Variants in CNOT3 observed in about 807,000 individuals in gnomAD.
The protein encoded by CNOT3 is CCR4-associated factor 3.
CNOT3 carries 2 observed loss-of-function variants against 89.4 expected under a neutral mutation model. The ratio of observed to expected loss-of-function variants is 0.02; its 90% CI spans 0.01 to 0.07. CNOT3 has a LOEUF of 0.07. CNOT3 is among the 10% of genes least tolerant of loss of function. The pLI, the probability that CNOT3 is intolerant of heterozygous loss-of-function variation, is 1.00. For missense variants in CNOT3, 664 were observed against 1,010.2 expected (o/e 0.66, Z 4.65); for synonymous variants, 486 against 402.0 (o/e 1.21, Z -2.50).
At chr19:54,153,221 G>C (rs111944138) in intron 16 of CNOT3, 9 of 763,806 alleles carry the variant, frequency 1.2e-5, no homozygotes, top group African/African-American at 3.4e-5. Context: ...AGCGAGGCTG[G>C]TCCACTGAGG....
intron 13 of CNOT3, among the ~76,000 whole-genome samples, chr19:54,150,486 C>A (rs2146705526): frequency 6.7e-6 from 1 of 149,670 alleles, no homozygotes; most frequent in East Asian, 2.0e-4. Flanking sequence ...CGGTGGGGTC[C>A]TGATCATCGA....
At chr19:54,150,628 G>A (rs989969596) in intron 13 of CNOT3, among the ~76,000 whole-genome samples, 4 of 134,878 alleles carry the variant, frequency 3.0e-5, no homozygotes, top group African/African-American at 8.5e-5. Flanking sequence ...CAGTGTGCGC[G>A]CCCAGGCTGT....
intron 1 of CNOT3, among the ~76,000 whole-genome samples, chr19:54,140,585 C>CGG (rs2074409200): frequency 6.6e-6 from 1 of 152,096 alleles, no homozygotes; most frequent in African/African-American, 2.4e-5. Flanking sequence ...ATTTTCTTAG[C>CGG]GGGGAAGGTG....
intron 13 of CNOT3, among the ~76,000 whole-genome samples, chr19:54,151,383 G>C (rs1418613210): frequency 6.6e-6 from 1 of 152,130 alleles, no homozygotes; most frequent in Non-Finnish European, 1.5e-5. Flanking sequence ...GCACGACAGG[G>C]AAGGGAGCCA....
chr19:54,148,230 G>A lies in CNOT3; in HGVS notation c.977G>A (p.Gly326Asp). Residue 326 changes from glycine to aspartate, a missense_variant, in exon 11 of 18, where the codon GGC becomes GAC. Around this residue, in one of 8 missense-constraint regions of CNOT3, gnomAD observed 545 missense variants for 566.2 expected, o/e 0.96. Transcript: ENST00000221232. This position sits in a 1 kb window ranked among gnomAD's most constrained non-coding sequence, Gnocchi z 6.3. Reference sequence around the variant, plus strand: ...GCTGTGCCGCCCACCTACCCCTCCGGCCCCCCGCCTGCTGCCTCTGCCTTG... The same window carrying A: ...GCTGTGCCGCCCACCTACCCCTCCGACCCCCCGCCTGCTGCCTCTGCCTTG... Reference protein sequence around the residue: ...SPAVPPTYPSGPPPAASALST... With the variant: ...SPAVPPTYPSDPPPAASALST... 2 of 1,597,588 alleles carry A rather than the reference G, an allele frequency of 1.3e-6. No homozygotes were observed. Among genetic ancestry groups the A allele is most frequent in the Non-Finnish European group, 1.7e-6 (2 of 1,171,538 alleles).
At chr19:54,140,626 C>G (rs2074411208) in intron 1 of CNOT3, among the ~76,000 whole-genome samples, 1 of 152,174 alleles carries the variant, frequency 6.6e-6, no homozygotes, top group African/African-American at 2.4e-5. Context: ...GCTCCAGCCT[C>G]TCTAGGGGAC....
In CNOT3 at chr19:54,145,042, A is replaced by C. The variant is rs1355788750; in HGVS notation, c.484-556A>C. 1.3e-5 allele frequency among the ~76,000 whole-genome samples: 2 copies of C among 152,082 alleles called. No individual in the cohort carries two copies. Among genetic ancestry groups the C allele is most frequent in the Non-Finnish European group, 2.9e-5 (2 of 68,012 alleles). ...GAGCAGAGATTTGGAACCAAGGCTA[A>C]GATGTTAAATCCTAAAGGGGCCTTG... On this transcript the variant is annotated intron_variant, in intron 7 of 17. Transcript: ENST00000221232. The surrounding 1 kb of genome is among the most constrained non-coding windows in gnomAD (Gnocchi z 5.9).
In CNOT3 at chr19:54,155,433, C is replaced by G. The variant is rs1403273004; in HGVS notation, c.*26C>G. 2 of 1,471,782 alleles carry G rather than the reference C, an allele frequency of 1.4e-6. No homozygotes were observed. Among genetic ancestry groups the G allele is most frequent in the Non-Finnish European group, 1.9e-6 (2 of 1,073,626 alleles). The allele number at this position is 1,471,782 out of a possible 1,614,324, so 91.2% of individuals were successfully genotyped here. On this transcript the variant is annotated 3_prime_UTR_variant, in exon 18 of 18. Transcript: ENST00000221232. ...CACCGGCCCCTCCCTCTACCCACCC[C>G]CTTCCCCCGCATGCTGATCCCCCTG...
chr19:54,140,642 C>T (rs2074411968), intron 1 of CNOT3, among the ~76,000 whole-genome samples: 1 of 152,122 alleles, frequency 6.6e-6, no homozygotes, highest in Non-Finnish European at 1.5e-5. Flanking sequence ...GGGACAAGTA[C>T]CCTGGGCCTC....
At chr19:54,150,584 G>A in intron 13 of CNOT3, among the ~76,000 whole-genome samples, 1 of 108,900 alleles carries the variant, frequency 9.2e-6, no homozygotes, top group South Asian at 4.0e-4. Flanking sequence ...AGGCTGTCCA[G>A]GAGGCAGTGT....
chr19:54,140,701 A>G (rs990717837), intron 1 of CNOT3, among the ~76,000 whole-genome samples: 1 of 152,114 alleles, frequency 6.6e-6, no homozygotes, highest in Non-Finnish European at 1.5e-5. Context: ...ACTGGGTCTC[A>G]GCTGTAGCCG....
intron 15 of CNOT3, 87 bp from the exon 16 acceptor site, chr19:54,152,780 C>T (rs2075195506): frequency 2.4e-6 from 2 of 846,746 alleles, no homozygotes; most frequent in Admixed American, 1.9e-5. Context: ...GTACCACCTC[C>T]CCCCGCAGGG....
In CNOT3 at chr19:54,145,792, C is replaced by T. The variant is rs141264166; in HGVS notation, c.678C>T (p.Tyr226=). The T allele has an allele frequency of 6.1e-5, 98 of 1,612,910 alleles. No individual in the cohort carries two copies. Among genetic ancestry groups the T allele is most frequent in the Middle Eastern group, 1.6e-4 (1 of 6,062 alleles). The part of the protein sequence containing the change: ...DPDFEENEFL[Y]DDLDLEDIPQ... Reference sequence around the variant, plus strand: ...ACTTCGAGGAGAACGAGTTTCTCTACGATGACCTGGACCTCGAGGACATTC... The same window carrying T: ...ACTTCGAGGAGAACGAGTTTCTCTATGATGACCTGGACCTCGAGGACATTC... The change falls in exon 8 of 18, where the codon TAC becomes TAT. Residue 226 remains tyrosine (Y), a synonymous_variant. Transcript: ENST00000221232. The surrounding 1 kb of genome is among the most constrained non-coding windows in gnomAD (Gnocchi z 5.9).
At chr19:54,154,819 C>T (rs1480455124) in intron 17 of CNOT3, 1 of 151,678 alleles carries the variant, frequency 6.6e-6, no homozygotes, top group Non-Finnish European at 1.4e-5. Context: ...CATTTCAGGG[C>T]ATCCAGTCAT....
intron 13 of CNOT3, among the ~76,000 whole-genome samples, chr19:54,151,474 C>T (rs2075102763): frequency 3.3e-5 from 5 of 152,032 alleles, no homozygotes; most frequent in Admixed American, 1.3e-4. Flanking sequence ...GAGGCAGAGG[C>T]GGGAGGATAG....
chr19:54,151,916 G>A (rs1480392675), intron 13 of CNOT3, among the ~76,000 whole-genome samples: 2 of 152,212 alleles, frequency 1.3e-5, no homozygotes, highest in Non-Finnish European at 2.9e-5. Flanking sequence ...GTAGCGCACT[G>A]TACATATTCT....
Position 54,155,640 on chromosome 19 carries a change from T to C in CNOT3, c.*233T>C. The C allele has an allele frequency of 1.5e-6, 2 of 1,375,784 alleles. No individual in the cohort carries two copies. Among genetic ancestry groups the C allele is most frequent in the South Asian group, 2.8e-5 (2 of 71,600 alleles). The allele number at this position is 1,375,784 out of a possible 1,614,324, so 85.2% of individuals were successfully genotyped here. ...GAGGGACATTTTTTGGTAAACCTAT[T>C]TTCATTTTGGAAAATATTTATGAAT... On this transcript the variant is annotated 3_prime_UTR_variant, in exon 18 of 18. Transcript: ENST00000221232.
In CNOT3 at chr19:54,152,985, T is replaced by A. The variant is rs1435127616; in HGVS notation, c.2023T>A (p.Phe675Ile). 1 of 1,607,264 alleles carries A rather than the reference T, an allele frequency of 6.2e-7. No homozygotes were observed. The highest frequency in any genetic ancestry group is 1.7e-5 in the Admixed American group (1 of 59,658). ...RLSTETLFFIFYYLEGTKAQY... is the reference protein window; with the variant it reads ...RLSTETLFFIIYYLEGTKAQY... The stretch of plus-strand genomic sequence containing the variant: ...GTCGACCGAGACACTCTTCTTCATC[T>A]TCTACTATCTGGAGGTACAGCAGGG... Residue 675 changes from phenylalanine (F) to isoleucine (I), a missense_variant, in exon 16 of 18, where the codon TTC becomes ATC. Coordinates refer to ENST00000221232, the MANE Select transcript of CNOT3 (RefSeq NM_014516.4).
In CNOT3 at chr19:54,145,891, C is replaced by T. The variant is rs1568639438; in HGVS notation, c.704-19C>T. On this transcript the variant is annotated intron_variant, in intron 8 of 17. Transcript: ENST00000221232. The surrounding 1 kb of genome is among the most constrained non-coding windows in gnomAD (Gnocchi z 5.9). ...GGCTGTGTGAGCCAGCTAAGCATGC[C>T]CTTCTTCTGCCCCCACAGCACAGGC... 1.2e-6 allele frequency: 2 copies of T among 1,613,008 alleles called. No individual in the cohort carries two copies. Among genetic ancestry groups the T allele is most frequent in the South Asian group, 1.1e-5 (1 of 90,988 alleles).
Sources: gnomAD v4.1 joint callset for allele counts (sites outside exome capture counted in the v4.1 genomes callset) on GRCh38, gnomAD v4.1.1 for gene constraint, gnomAD v4.1.1 regional missense constraint, Gnocchi (gnomAD v3.1) non-coding constraint, MANE v1.5 for transcripts, NCBI Gene and HGNC (gene_info 2026-07-23, HGNC 2026-07-21) for gene names.